The following TRIO variants were observed in gnomAD, a reference collection of about 807,000 sequenced individuals.
TRIO encodes triple functional domain protein.
A neutral mutation model predicts 351.9 loss-of-function variants in TRIO; 58 were observed. The observed-to-expected ratio is 0.16, with a 90% CI of 0.13 to 0.21. The LOEUF (loss-of-function observed/expected upper bound fraction) is 0.21, where lower values mean the gene tolerates loss of function less well. Ranked by LOEUF, TRIO falls within the 10% of genes least tolerant of loss-of-function variation. The pLI is 1.00. For missense variants in TRIO, 3,201 were observed against 4,027.8 expected (o/e 0.79, Z 5.56); for synonymous variants, 1,758 against 1,595.7 (o/e 1.10, Z -2.42).
Position 14,195,500 on chromosome 5 carries a change from A to C in TRIO, c.157+51618A>C, listed in dbSNP as rs74454223. On this transcript the variant is annotated intron_variant, in intron 1 of 56. Transcript: ENST00000344204. Reference sequence around the variant, plus strand: ...TCAAATTGATAACTTTTTTCTTTGTAATGAAGTGTCTTGAGATTCTCTGTG... The same window carrying C: ...TCAAATTGATAACTTTTTTCTTTGTCATGAAGTGTCTTGAGATTCTCTGTG... Among the ~76,000 whole-genome samples, 864 of 152,252 alleles carry C rather than the reference A, an allele frequency of 5.7e-3. 9 individuals are homozygous for C. Among genetic ancestry groups the C allele is most frequent in the African/African-American group, 0.02 (812 of 41,548 alleles).
intron 11 of TRIO, among the ~76,000 whole-genome samples, chr5:14,337,139 T>A (rs1741491298): frequency 6.6e-6 from 1 of 152,220 alleles, no homozygotes; most frequent in African/African-American, 2.4e-5. Context: ...GAGTGTTACC[T>A]AATATTGAGT....
intron 20 of TRIO, among the ~76,000 whole-genome samples, chr5:14,378,940 A>C (rs942679846): frequency 6.6e-6 from 1 of 152,152 alleles, no homozygotes; most frequent in African/African-American, 2.4e-5. Context: ...TTCTTAAGTC[A>C]TTTTGGGATG....
chr5:14,313,962 A>AG (rs35381942), intron 8 of TRIO, among the ~76,000 whole-genome samples: 6,893 of 152,272 alleles, frequency 0.045, 552 homozygotes, highest in African/African-American at 0.16. Flanking sequence ...GCTATCAAGG[A>AG]GGGCAAGTGG....
In TRIO at chr5:14,389,994, G is replaced by A. The variant is rs79968860; in HGVS notation, c.4059-237G>A. Among the ~76,000 whole-genome samples the A allele has an allele frequency of 0.038, 5,794 of 152,162 alleles. 357 individuals carry two copies. Among genetic ancestry groups the A allele is most frequent in the African/African-American group, 0.13 (5,497 of 41,476 alleles). Reference sequence around the variant, plus strand: ...AATGGGTCTTCAGCCAAATATTTACGTCTCCGAAGTATATGCTCAGTGAAC... The same window carrying A: ...AATGGGTCTTCAGCCAAATATTTACATCTCCGAAGTATATGCTCAGTGAAC... On this transcript the variant is annotated intron_variant, in intron 25 of 56. Transcript: ENST00000344204.
At chr5:14,431,993 AG>A (rs1442968712) in intron 34 of TRIO, among the ~76,000 whole-genome samples, 2 of 152,256 alleles carry the variant, frequency 1.3e-5, no homozygotes, top group Admixed American at 6.5e-5. Flanking sequence ...TTCCAAATAC[AG>A]TCACATTCTG....
At chr5:14,419,291 G>C (rs1391510945) in intron 33 of TRIO, among the ~76,000 whole-genome samples, 4 of 152,072 alleles carry the variant, frequency 2.6e-5, no homozygotes, top group Non-Finnish European at 5.9e-5. Flanking sequence ...AGAGAGGCAG[G>C]TGTGCTTTGC....
chr5:14,459,240 C>T (rs1459604504), intron 34 of TRIO, among the ~76,000 whole-genome samples: 1 of 152,226 alleles, frequency 6.6e-6, no homozygotes, highest in Non-Finnish European at 1.5e-5. Context: ...GAAACCGCTG[C>T]CAACTCTGCT....
At chr5:14,428,665 C>T (rs939573530) in intron 34 of TRIO, among the ~76,000 whole-genome samples, 1 of 152,186 alleles carries the variant, frequency 6.6e-6, no homozygotes, top group Admixed American at 6.5e-5. Flanking sequence ...CGTGTTCCAA[C>T]TTTACATTAA....
intron 33 of TRIO, among the ~76,000 whole-genome samples, chr5:14,417,226 T>G (rs192398000): frequency 6.8e-4 from 104 of 152,290 alleles, no homozygotes; most frequent in African/African-American, 2.4e-3. Context: ...CGGAGAAGTT[T>G]GTAAGATTGA....
At chr5:14,449,797 C>A (rs1447105648) in intron 34 of TRIO, among the ~76,000 whole-genome samples, 3 of 152,186 alleles carry the variant, frequency 2.0e-5, no homozygotes, top group South Asian at 2.1e-4. Context: ...TTTACACTTT[C>A]ACTTTGGCAA....
intron 55 of TRIO, among the ~76,000 whole-genome samples, chr5:14,504,971 G>A (rs1053942096): frequency 2.6e-5 from 4 of 152,158 alleles, no homozygotes; most frequent in African/African-American, 9.7e-5. Context: ...CCTGTGCAGG[G>A]CCAGCTCACC....
intron 1 of TRIO, among the ~76,000 whole-genome samples, chr5:14,199,479 T>C (rs1346534095): frequency 1.3e-5 from 2 of 152,326 alleles, no homozygotes; most frequent in Non-Finnish European, 2.9e-5. Context: ...TTGGAAAATT[T>C]TAAGGATGTG....
rs375740884 is a variant in TRIO at position 14,359,564 on chromosome 5, G to A, written c.2391+33G>A. The A allele has an allele frequency of 5.2e-5, 84 of 1,605,690 alleles. No homozygotes were observed. In the African/African-American group the frequency reaches 7.8e-4, roughly 15 times the overall value. The stretch of plus-strand genomic sequence containing the variant: ...TCCCGCGGCTGGCGCCTGCCTGCCT[G>A]TGGGAGCCCTTGGCTTCCTCCACAG... On this transcript the variant is annotated intron_variant, in intron 13 of 56. Transcript: ENST00000344204.
chr5:14,202,293 G>GTTTT (rs1561196197), intron 1 of TRIO, among the ~76,000 whole-genome samples: 2 of 34,350 alleles, frequency 5.8e-5, no homozygotes, highest in African/African-American at 2.0e-4. Context: ...ATATTTTTGT[G>GTTTT]ATTTTTTTTT....
chr5:14,485,576 A>G (rs1317404788), intron 47 of TRIO, among the ~76,000 whole-genome samples: 3 of 152,208 alleles, frequency 2.0e-5, no homozygotes, highest in Non-Finnish European at 2.9e-5. Flanking sequence ...TGTCCCACAC[A>G]TAACATGTAC....
intron 1 of TRIO, among the ~76,000 whole-genome samples, chr5:14,197,808 C>G (rs1408450382): frequency 2.0e-5 from 3 of 152,208 alleles, no homozygotes; most frequent in Non-Finnish European, 2.9e-5. Context: ...TGTGCACACA[C>G]AGTGGGTTGC....
chr5:14,336,791 A>G (rs1741457218), intron 11 of TRIO, 64 bp downstream of exon 11: 6 of 1,562,894 alleles, frequency 3.8e-6, no homozygotes, highest in Admixed American at 3.5e-5. Flanking sequence ...CTTTTGGAGG[A>G]ACCTAAATTT....
chr5:14,315,711 C>T (rs1013439144), intron 8 of TRIO, among the ~76,000 whole-genome samples: 1 of 152,116 alleles, frequency 6.6e-6, no homozygotes, highest in African/African-American at 2.4e-5. Context: ...TTTTTTCCCC[C>T]CAATAACATC....
intron 5 of TRIO, among the ~76,000 whole-genome samples, chr5:14,292,134 G>A (rs1206747390): frequency 6.6e-6 from 1 of 152,176 alleles, no homozygotes; most frequent in Non-Finnish European, 1.5e-5. Flanking sequence ...TATATTACAT[G>A]GACAGGAGAA....
Sources: gnomAD v4.1 joint callset for allele counts (sites outside exome capture counted in the v4.1 genomes callset) on GRCh38, gnomAD v4.1.1 for gene constraint, MANE v1.5 for transcripts, NCBI Gene and HGNC (gene_info 2026-07-23, HGNC 2026-07-21) for gene names.